Variants in FER observed in about 807,000 individuals in gnomAD.
The protein encoded by FER is FER tyrosine kinase.
A neutral mutation model predicts 111.0 loss-of-function variants in FER; 63 were observed. The observed-to-expected ratio is 0.57, with a 90% CI of 0.46 to 0.70. The LOEUF (loss-of-function observed/expected upper bound fraction) is 0.70. Among genes scored for constraint, FER ranks in the 30% least tolerant of loss-of-function variants. The pLI is 0.00. For synonymous variants in FER, 327 were observed against 313.9 expected, an observed-to-expected ratio of 1.04 and a Z score of -0.44; for missense variants, 914 against 954.0, an observed-to-expected ratio of 0.96 and a Z score of 0.55.
chr5:109,118,466 T>C (rs1459994141), intron 17 of FER, among the ~76,000 whole-genome samples: 2 of 152,170 alleles, frequency 1.3e-5, no homozygotes, highest in African/African-American at 4.8e-5. Context: ...TCTAAAATTC[T>C]CTTTTTTTGT....
chr5:109,013,585 G>C (rs1427239270), intron 13 of FER, among the ~76,000 whole-genome samples: 2 of 149,756 alleles, frequency 1.3e-5, no homozygotes, highest in Non-Finnish European at 3.0e-5. Context: ...AGTCCTTTGG[G>C]TATATACCCA....
rs369971185 is a variant in FER at position 108,832,947 on chromosome 5, C to T, written c.381+4C>T. On this transcript the variant is annotated splice_donor_region_variant and intron_variant, in intron 4 of 19. Transcript: ENST00000281092. ...GATAGAGGCAGAGATGATCAAGGTT[C>T]GTTTTTCCATATTGAAGTTCTTTCT... 5.8e-6 allele frequency: 9 copies of T among 1,543,898 alleles called. No homozygotes were observed. Among genetic ancestry groups the T allele is most frequent in the South Asian group, 2.5e-5 (2 of 80,070 alleles).
In FER at chr5:109,165,593, GGTGTGTGTGTGT is replaced by G. The variant is rs66749153; in HGVS notation, c.2049-15119_2049-15108del. Among the ~76,000 whole-genome samples, 427 of 142,324 alleles carry G rather than the reference GGTGTGTGTGTGT, an allele frequency of 3.0e-3. 1 individual carries two copies. Among genetic ancestry groups the G allele is most frequent in the Non-Finnish European group, 3.8e-3 (247 of 64,926 alleles). The allele number at this position is 142,324 out of a possible 152,430, so 93.4% of individuals were successfully genotyped here. ...ACCACACAGGTGGGAGGAGGGAACT[GGTGTGTGTGTGT>G]GTGTGTGTGTGTGTGTGTGTGTGTG... is the stretch of plus-strand genomic sequence containing the variant. On this transcript the variant is annotated intron_variant, in intron 17 of 19. Coordinates refer to ENST00000281092, the MANE Select transcript of FER (RefSeq NM_005246.4).
At chr5:108,978,180 T>G (rs1761616509) in intron 13 of FER, among the ~76,000 whole-genome samples, 1 of 152,244 alleles carries the variant, frequency 6.6e-6, no homozygotes, top group Non-Finnish European at 1.5e-5. Context: ...TTGTCATGTT[T>G]AGATGTTTGG....
At chr5:109,100,812 A>G (rs1748132523) in intron 17 of FER, among the ~76,000 whole-genome samples, 3 of 151,850 alleles carry the variant, frequency 2.0e-5, no homozygotes, top group Non-Finnish European at 4.4e-5. Context: ...TTAGTAATAT[A>G]AGAAACTACA....
chr5:108,832,112 G>T (rs530265808), intron 3 of FER, among the ~76,000 whole-genome samples: 1 of 152,202 alleles, frequency 6.6e-6, no homozygotes, highest in South Asian at 2.1e-4. Context: ...GCCCTTTGGT[G>T]TATTGTGCTG....
At position 109,196,622 on chromosome 5, in the gene FER, T is replaced by G. The variant is rs1361794337; in HGVS notation, c.*9047T>G. On this transcript the variant is annotated 3_prime_UTR_variant, in exon 20 of 20. Coordinates refer to ENST00000281092, the MANE Select transcript of FER (RefSeq NM_005246.4). ...GATCTGTATTTAACACTTATTTATT[T>G]GTTAGTTTTTACATTCAAAAGAAAT... is the stretch of plus-strand genomic sequence containing the variant. 1 of 152,058 alleles carries G rather than the reference T, an allele frequency of 6.6e-6. No individual in the cohort carries two copies. Among genetic ancestry groups the G allele is most frequent in the South Asian group, 2.1e-4 (1 of 4,796 alleles). The allele number at this position is 152,058 out of a possible 1,614,324, so 9.4% of individuals were successfully genotyped here.
At chr5:109,057,236 G>A (rs1773768687) in intron 16 of FER, among the ~76,000 whole-genome samples, 1 of 152,104 alleles carries the variant, frequency 6.6e-6, no homozygotes, top group African/African-American at 2.4e-5. Context: ...TAGAATAAGA[G>A]CAAATTAAAC....
chr5:108,764,505 C>A (rs956577374), intron 1 of FER, among the ~76,000 whole-genome samples: 3 of 152,162 alleles, frequency 2.0e-5, no homozygotes, highest in Non-Finnish European at 4.4e-5. Context: ...TCAAGCGATT[C>A]TCCTGCCTCA....
rs1371077028 is a variant in FER at position 109,188,968 on chromosome 5, T to C, written c.*1393T>C. On this transcript the variant is annotated 3_prime_UTR_variant, in exon 20 of 20. Coordinates refer to ENST00000281092, the MANE Select transcript of FER (RefSeq NM_005246.4). Reference sequence around the variant, plus strand: ...ACAGATGTGAATGAAGTAGACAGTCTAGAAGTCAGGTGAATATTAATGAGA... The same window carrying C: ...ACAGATGTGAATGAAGTAGACAGTCCAGAAGTCAGGTGAATATTAATGAGA... The C allele has an allele frequency of 6.6e-6, 1 of 152,202 alleles. No homozygotes were observed. The highest frequency in any genetic ancestry group is 1.5e-5 in the Non-Finnish European group (1 of 68,042). 9.4% of individuals were successfully genotyped at this position (152,202 alleles called of 1,614,324 possible).
chr5:108,819,425 G>T (rs563157038), intron 3 of FER, among the ~76,000 whole-genome samples: 4 of 152,250 alleles, frequency 2.6e-5, no homozygotes, highest in African/African-American at 7.2e-5. Context: ...AACACATTAA[G>T]AATTAGTTTT....
chr5:108,970,071 G>A (rs532863170), intron 13 of FER, among the ~76,000 whole-genome samples: 9 of 147,970 alleles, frequency 6.1e-5, no homozygotes, highest in Admixed American at 1.3e-4. Flanking sequence ...TGAAGAAATC[G>A]CATTGTAGTT....
rs1759611089 is a variant in FER, at chr5:109,194,668, G to A, written c.*7093G>A. Reference sequence around the variant, plus strand: ...CAGAAGATCATACCTTCTTTTGAAAGTATAGGACAGATATCAGTGGGAAAC... The same window carrying A: ...CAGAAGATCATACCTTCTTTTGAAAATATAGGACAGATATCAGTGGGAAAC... On this transcript the variant is annotated 3_prime_UTR_variant, in exon 20 of 20. Coordinates refer to ENST00000281092, the MANE Select transcript of FER (RefSeq NM_005246.4). 1.3e-5 allele frequency: 2 copies of A among 152,186 alleles called. No homozygotes were observed. The highest frequency in any genetic ancestry group is 1.3e-4 in the Admixed American group (2 of 15,284). 9.4% of individuals were successfully genotyped at this position (152,186 alleles called of 1,614,324 possible). A position where few individuals can be genotyped will look rare whatever the true frequency, so the allele number is the denominator to read the frequency against.
rs1406459093 is a variant in FER at position 109,188,251 on chromosome 5, A to G, written c.*676A>G. The G allele has an allele frequency of 2.1e-5, 3 of 144,056 alleles. No homozygotes were observed. Among genetic ancestry groups the G allele is most frequent in the African/African-American group, 7.5e-5 (3 of 39,884 alleles). The allele number at this position is 144,056 out of a possible 1,614,324, so 8.9% of individuals were successfully genotyped here. A position where few individuals can be genotyped will look rare whatever the true frequency, so the allele number is the denominator to read the frequency against. The stretch of plus-strand genomic sequence containing the variant: ...CTCACGCCTGTAATCCCAGGCATGT[A>G]ATCTCATGCCTGGGATTACAGGCGT... On this transcript the variant is annotated 3_prime_UTR_variant, in exon 20 of 20. Coordinates refer to ENST00000281092, the MANE Select transcript of FER (RefSeq NM_005246.4).
At chr5:108,965,592 G>A (rs1340838011) in intron 13 of FER, among the ~76,000 whole-genome samples, 1 of 152,072 alleles carries the variant, frequency 6.6e-6, no homozygotes, top group Non-Finnish European at 1.5e-5. Context: ...AGGAAACTCA[G>A]ACATTATAAT....
At chr5:109,042,077 CAG>C (rs1771258705) in intron 14 of FER, among the ~76,000 whole-genome samples, 1 of 151,976 alleles carries the variant, frequency 6.6e-6, no homozygotes, top group African/African-American at 2.4e-5. Context: ...CCATGAATTC[CAG>C]AAGGCACTAT....
At chr5:108,914,892 C>G (rs1237833152) in intron 10 of FER, among the ~76,000 whole-genome samples, 1 of 152,118 alleles carries the variant, frequency 6.6e-6, no homozygotes, top group East Asian at 1.9e-4. Flanking sequence ...GGGAAAAGCT[C>G]TTGAAATTTT....
chr5:108,820,396 G>A (rs960860838), intron 3 of FER: 2 of 985,294 alleles, frequency 2.0e-6, no homozygotes, highest in African/African-American at 3.5e-5. Flanking sequence ...GAATAAAGGT[G>A]ACTATGGCTG....
At chr5:108,790,235 C>CCACACACACACACACACACA (rs66805209) in intron 2 of FER, among the ~76,000 whole-genome samples, 12 of 145,092 alleles carry the variant, frequency 8.3e-5, no homozygotes, top group African/African-American at 1.8e-4. Flanking sequence ...TGCATACACA[C>CCACACACACACACACACACA]CACACACACA....
Sources: gnomAD v4.1 joint callset for allele counts (sites outside exome capture counted in the v4.1 genomes callset) on GRCh38, gnomAD v4.1.1 for gene constraint, MANE v1.5 for transcripts, NCBI Gene and HGNC (gene_info 2026-07-23, HGNC 2026-07-21) for gene names.